FAM171B: variants seen among roughly 807,000 people sequenced by gnomAD.
FAM171B encodes family with sequence similarity 171 member B.
FAM171B carries 19 observed loss-of-function variants against 75.6 expected under a neutral mutation model. That is an observed-to-expected ratio of 0.25 (90% CI 0.18 to 0.37). The LOEUF (loss-of-function observed/expected upper bound fraction) is 0.37, where lower values mean the gene tolerates loss of function less well. Among genes scored for constraint, FAM171B ranks in the 10% least tolerant of loss-of-function variants. FAM171B has a pLI of 1.00. For missense variants in FAM171B, 848 were observed against 982.4 expected (o/e 0.86, Z 1.83); for synonymous variants, 367 against 361.7 (o/e 1.01, Z -0.17).
At chr2:186,740,508 A>G (rs368099844) in intron 2 of FAM171B, 47 bp downstream of exon 2, 1 of 1,472,974 alleles carries the variant, frequency 6.8e-7, no homozygotes, top group African/African-American at 1.4e-5. Context: ...CTAAATGTAA[A>G]TGAATTATTT....
rs1301999567 is a variant in FAM171B, at chr2:186,763,119, C to A, written c.*296C>A. Reference sequence around the variant, plus strand: ...GCTCAGCCAGCCAGTTTGGCCTTGACTCTCTTAAGAATAACAGTGAAATAT... The same window carrying A: ...GCTCAGCCAGCCAGTTTGGCCTTGAATCTCTTAAGAATAACAGTGAAATAT... On this transcript the variant is annotated 3_prime_UTR_variant, in exon 8 of 8. Coordinates refer to ENST00000304698, the MANE Select transcript of FAM171B (RefSeq NM_177454.4). 3.3e-6 allele frequency: 1 copy of A among 306,036 alleles called. No homozygotes were observed. The highest frequency in any genetic ancestry group is 6.1e-6 in the Non-Finnish European group (1 of 164,174). 19.0% of individuals were successfully genotyped at this position (306,036 alleles called of 1,614,324 possible).
intron 2 of FAM171B, among the ~76,000 whole-genome samples, chr2:186,742,259 T>A (rs1214134247): frequency 6.6e-6 from 1 of 152,118 alleles, no homozygotes; most frequent in East Asian, 1.9e-4. Context: ...TGAAAAGAAA[T>A]CTGAATGTGT....
At chr2:186,743,720 CT>C in intron 3 of FAM171B, 145 bp downstream of exon 3, 1 of 573,290 alleles carries the variant, frequency 1.7e-6, no homozygotes. Flanking sequence ...TTGATCTGAA[CT>C]GATATTTTAC....
At position 186,765,873 on chromosome 2, in the gene FAM171B, A is replaced by G. The variant is rs572160679; in HGVS notation, c.*3050A>G. On this transcript the variant is annotated 3_prime_UTR_variant, in exon 8 of 8. Coordinates refer to ENST00000304698, the MANE Select transcript of FAM171B (RefSeq NM_177454.4). ...GTGTATTTATTGCTGTTACTACTAT[A>G]TTTACTGCTGAAAACTGTAACAACC... 8.5e-5 allele frequency: 13 copies of G among 152,240 alleles called. No homozygotes were observed. In the South Asian group the frequency reaches 1.9e-3, roughly 22 times the overall value. 9.4% of individuals were successfully genotyped at this position (152,240 alleles called of 1,614,324 possible).
In FAM171B at chr2:186,751,215, G is replaced by T. The variant is rs773075432; in HGVS notation, c.806G>T (p.Gly269Val). 7 of 1,611,664 alleles carry T rather than the reference G, an allele frequency of 4.3e-6. No homozygotes were observed. In the South Asian group the frequency reaches 7.7e-5, roughly 18 times the overall value. ...YSGGKELKVN[G>V]SIQVSLPLLR... ...GGAGGAAAAGAACTAAAGGTCAATGGCTCTATTCAAGTTTCTCTTCCTCTT... is the reference window on the plus strand; with the variant it reads ...GGAGGAAAAGAACTAAAGGTCAATGTCTCTATTCAAGTTTCTCTTCCTCTT... The change falls in exon 5 of 8, where the codon GGC becomes GTC. Residue 269 changes from glycine to valine, a missense_variant. Transcript: ENST00000304698.
chr2:186,723,969 A>G (rs1689993423), intron 1 of FAM171B, among the ~76,000 whole-genome samples: 1 of 152,242 alleles, frequency 6.6e-6, no homozygotes, highest in South Asian at 2.1e-4. Context: ...ACAGTAAATA[A>G]AATGAGAATG....
At chr2:186,711,193 T>C (rs1482724445) in intron 1 of FAM171B, among the ~76,000 whole-genome samples, 1 of 152,240 alleles carries the variant, frequency 6.6e-6, no homozygotes, top group Non-Finnish European at 1.5e-5. Context: ...CATACTTTAC[T>C]TATATTAATA....
intron 1 of FAM171B, among the ~76,000 whole-genome samples, chr2:186,734,197 A>G (rs1370673503): frequency 1.3e-5 from 2 of 152,168 alleles, no homozygotes; most frequent in Non-Finnish European, 2.9e-5. Context: ...TCCTTCCCAC[A>G]AGCAGGTCAT....
chr2:186,750,462 TA>T (rs1303319817), intron 4 of FAM171B, among the ~76,000 whole-genome samples: 1 of 152,210 alleles, frequency 6.6e-6, no homozygotes, highest in African/African-American at 2.4e-5. Context: ...GTATTATATT[TA>T]AAATCTAAGT....
At chr2:186,754,344 T>C (rs965727307) in intron 6 of FAM171B, among the ~76,000 whole-genome samples, 1 of 152,214 alleles carries the variant, frequency 6.6e-6, no homozygotes, top group African/African-American at 2.4e-5. Flanking sequence ...CAGTTAGAGC[T>C]TTTGGTTGCA....
chr2:186,719,419 G>A (rs778791941), intron 1 of FAM171B, among the ~76,000 whole-genome samples: 4 of 152,154 alleles, frequency 2.6e-5, no homozygotes, highest in Non-Finnish European at 5.9e-5. Flanking sequence ...AATAAATTAT[G>A]TGAGTTTACC....
chr2:186,760,009 T>C (rs779085902), intron 6 of FAM171B, among the ~76,000 whole-genome samples: 35 of 152,152 alleles, frequency 2.3e-4, no homozygotes, highest in Non-Finnish European at 3.5e-4. Context: ...CATAAGGATA[T>C]CCAGTTTTCC....
At chr2:186,720,756 C>T (rs144142263) in intron 1 of FAM171B, among the ~76,000 whole-genome samples, 306 of 141,582 alleles carry the variant, frequency 2.2e-3, no homozygotes, top group African/African-American at 7.4e-3. Flanking sequence ...TCTAATTAAA[C>T]GTATTAAATG....
chr2:186,747,361 C>G (rs1480237805), intron 4 of FAM171B, 111 bp downstream of exon 4: 1 of 573,324 alleles, frequency 1.7e-6, no homozygotes, highest in African/African-American at 1.9e-5. Flanking sequence ...ATGGATAATA[C>G]ACATCATTTG....
At chr2:186,736,630 T>C (rs1260446403) in intron 1 of FAM171B, among the ~76,000 whole-genome samples, 2 of 137,990 alleles carry the variant, frequency 1.4e-5, no homozygotes, top group African/African-American at 5.3e-5. Flanking sequence ...TTTTAGACTC[T>C]GGAAGGGATC....
intron 1 of FAM171B, among the ~76,000 whole-genome samples, chr2:186,696,214 A>T (rs1689576017): frequency 6.6e-6 from 1 of 152,132 alleles, no homozygotes; most frequent in Non-Finnish European, 1.5e-5. Flanking sequence ...CCTGAGAAGT[A>T]ACCTATGATG....
chr2:186,728,447 G>C (rs1221070292), intron 1 of FAM171B, among the ~76,000 whole-genome samples: 1 of 152,012 alleles, frequency 6.6e-6, no homozygotes, highest in African/African-American at 2.4e-5. Context: ...CAGATCTGAG[G>C]AAAAGTAGGT....
intron 2 of FAM171B, among the ~76,000 whole-genome samples, chr2:186,742,390 C>T (rs1009597798): frequency 6.6e-6 from 1 of 152,088 alleles, no homozygotes; most frequent in Non-Finnish European, 1.5e-5. Flanking sequence ...TCCCACCTCT[C>T]CAATTTAATC....
At chr2:186,709,007 T>C (rs760465067) in intron 1 of FAM171B, among the ~76,000 whole-genome samples, 5 of 152,180 alleles carry the variant, frequency 3.3e-5, no homozygotes, top group Non-Finnish European at 5.9e-5. Flanking sequence ...TATAGCAGCA[T>C]CTGCTTCTGA....
Sources: allele counts gnomAD v4.1 joint callset (sites outside exome capture counted in the v4.1 genomes callset), GRCh38; gene constraint gnomAD v4.1.1; transcripts MANE v1.5; gene names NCBI Gene and HGNC (gene_info 2026-07-23, HGNC 2026-07-21).